NUP54: variants seen among roughly 807,000 people sequenced by gnomAD.
NUP54 encodes the protein nucleoporin 54.
NUP54 carries 27 observed loss-of-function variants against 66.4 expected under a neutral mutation model. That is an observed-to-expected ratio of 0.41 (90% CI 0.30 to 0.56). The LOEUF is 0.56. Among genes scored for constraint, NUP54 ranks in the 20% least tolerant of loss-of-function variants. The pLI, the probability that NUP54 is intolerant of heterozygous loss-of-function variation, is 0.34. For missense variants in NUP54, 486 were observed against 596.3 expected (o/e 0.82, Z 1.93); for synonymous variants, 206 against 210.7 (o/e 0.98, Z 0.19).
chr4:76,117,881 TTC>T (rs755481769), intron 10 of NUP54, 107 bp from the exon 11 acceptor site: 4 of 1,053,074 alleles, frequency 3.8e-6, no homozygotes, highest in Admixed American at 2.1e-5. Flanking sequence ...AAATTTCTAT[TTC>T]TCTCTCTGTA....
Position 76,114,892 on chromosome 4 carries a change from C to T in NUP54, c.*474G>A, listed in dbSNP as rs567397625. On this transcript the variant is annotated 3_prime_UTR_variant, in exon 12 of 12. Coordinates refer to ENST00000264883, the MANE Select transcript of NUP54 (RefSeq NM_017426.4). ...ATGCTTTTGGATTTTCTTTACTCCT[C>T]CCACAGATGAGTTCACAAATACAAA... 1 of 152,306 alleles carries T rather than the reference C, an allele frequency of 6.6e-6. No homozygotes were observed. Among genetic ancestry groups the T allele is most frequent in the South Asian group, 2.1e-4 (1 of 4,824 alleles). The allele number at this position is 152,306 out of a possible 1,614,324, so 9.4% of individuals were successfully genotyped here. A position where few individuals can be genotyped will look rare whatever the true frequency, so the allele number is the denominator to read the frequency against.
intron 1 of NUP54, chr4:76,147,604 C>G (rs1317880744): frequency 7.8e-7 from 1 of 1,289,632 alleles, no homozygotes; most frequent in Non-Finnish European, 1.0e-6. Context: ...ATTAAACCCA[C>G]TGGCGGTGGA....
Position 76,115,325 on chromosome 4 carries a change from G to T in NUP54, c.*41C>A. On this transcript the variant is annotated 3_prime_UTR_variant, in exon 12 of 12. Transcript: ENST00000264883. ...TCTTAAGGAAGGTCTGATGCAGTAA[G>T]AAGATGCATTTCACAAACCTTTACA... The T allele has an allele frequency of 6.6e-7, 1 of 1,521,528 alleles. No homozygotes were observed. The highest frequency in any genetic ancestry group is 8.8e-7 in the Non-Finnish European group (1 of 1,137,496). 94.3% of individuals were successfully genotyped at this position (1,521,528 alleles called of 1,614,324 possible). A position where few individuals can be genotyped will look rare whatever the true frequency, so the allele number is the denominator to read the frequency against.
At chr4:76,143,637 A>C (rs1731360688) in intron 3 of NUP54, among the ~76,000 whole-genome samples, 1 of 152,138 alleles carries the variant, frequency 6.6e-6, no homozygotes, top group Admixed American at 6.6e-5. Flanking sequence ...AGAGAGATAA[A>C]AGAGGAGCCT....
At chr4:76,125,851 AGGGG>A (rs1560679674) in intron 8 of NUP54, among the ~76,000 whole-genome samples, 10 of 43,188 alleles carry the variant, frequency 2.3e-4, no homozygotes, top group South Asian at 2.4e-3. Flanking sequence ...AGAGGGAGAG[AGGGG>A]GAGGGGGAGG....
Position 76,117,846 on chromosome 4 carries a change from G to A in NUP54, c.1285-72C>T, listed in dbSNP as rs921784395. 18 of 1,309,290 alleles carry A rather than the reference G, an allele frequency of 1.4e-5. No homozygotes were observed. The African/African-American group carries it at 2.2e-4, about 16-fold the overall frequency. The allele number at this position is 1,309,290 out of a possible 1,614,324, so 81.1% of individuals were successfully genotyped here. On this transcript the variant is annotated intron_variant, in intron 10 of 11. Coordinates refer to ENST00000264883, the MANE Select transcript of NUP54 (RefSeq NM_017426.4). ...TAAAAGACAATGTTTTCTTCTGAAAGGATGGTTTCAAAACCATCTATTAAA... is the reference window on the plus strand; with the variant it reads ...TAAAAGACAATGTTTTCTTCTGAAAAGATGGTTTCAAAACCATCTATTAAA...
chr4:76,122,188 A>G (rs1730264863), intron 9 of NUP54, among the ~76,000 whole-genome samples: 2 of 152,170 alleles, frequency 1.3e-5, no homozygotes. Context: ...AATAAACTTT[A>G]CTTGGTCATA....
intron 3 of NUP54, among the ~76,000 whole-genome samples, chr4:76,142,596 A>C (rs1032550955): frequency 2.0e-5 from 3 of 152,202 alleles, no homozygotes; most frequent in African/African-American, 7.2e-5. Flanking sequence ...GGGATAACAA[A>C]AGTATTATTT....
intron 3 of NUP54, among the ~76,000 whole-genome samples, chr4:76,142,237 T>A (rs1223888297): frequency 6.6e-6 from 1 of 152,244 alleles, no homozygotes; most frequent in Non-Finnish European, 1.5e-5. Context: ...CTTAAATATT[T>A]CATCAAATTT....
intron 9 of NUP54, among the ~76,000 whole-genome samples, chr4:76,121,175 T>C (rs1179016621): frequency 6.6e-6 from 1 of 152,218 alleles, no homozygotes; most frequent in East Asian, 1.9e-4. Flanking sequence ...TTATGGATAG[T>C]TATACTCCAG....
intron 8 of NUP54, among the ~76,000 whole-genome samples, chr4:76,125,614 AAGAGGG>A (rs1174980798): frequency 1.9e-5 from 2 of 102,616 alleles, no homozygotes; most frequent in African/African-American, 3.9e-5. Flanking sequence ...CAGCATGGGC[AAGAGGG>A]AGAGGGAGAG....
intron 1 of NUP54, among the ~76,000 whole-genome samples, chr4:76,144,814 A>C (rs1257847240): frequency 6.6e-6 from 1 of 152,224 alleles, no homozygotes; most frequent in Non-Finnish European, 1.5e-5. Flanking sequence ...GAGGTGTTGC[A>C]AATTCATATG....
rs767596534 is a variant in NUP54 at position 76,115,343 on chromosome 4, C to T, written c.*23G>A. 3 of 1,563,280 alleles carry T rather than the reference C, an allele frequency of 1.9e-6. No individual in the cohort carries two copies. Among genetic ancestry groups the T allele is most frequent in the Admixed American group, 3.9e-5 (2 of 50,880 alleles). ...GCAGTAAGAAGATGCATTTCACAAA[C>T]CTTTACACAAGTTTGTGAACTGTCA... is the stretch of plus-strand genomic sequence containing the variant. On this transcript the variant is annotated 3_prime_UTR_variant, in exon 12 of 12. Coordinates refer to ENST00000264883, the MANE Select transcript of NUP54 (RefSeq NM_017426.4).
chr4:76,147,464 A>C, intron 1 of NUP54: 1 of 1,288,342 alleles, frequency 7.8e-7, no homozygotes, highest in Non-Finnish European at 1.0e-6. Context: ...TACACATACA[A>C]CCCGCAGTAT....
In NUP54 at chr4:76,115,051, T is replaced by A. The variant is rs1729886888; in HGVS notation, c.*315A>T. ...AGAGTACAGGCTCAATGGACAATAA[T>A]CATTAAACACAGATTATGTTTAAGA... On this transcript the variant is annotated 3_prime_UTR_variant, in exon 12 of 12. Coordinates refer to ENST00000264883, the MANE Select transcript of NUP54 (RefSeq NM_017426.4). The A allele has an allele frequency of 5.2e-6, 1 of 190,792 alleles. No individual in the cohort carries two copies. Among genetic ancestry groups the A allele is most frequent in the South Asian group, 1.5e-4 (1 of 6,674 alleles). The allele number at this position is 190,792 out of a possible 1,614,324, so 11.8% of individuals were successfully genotyped here. A position where few individuals can be genotyped will look rare whatever the true frequency, so the allele number is the denominator to read the frequency against.
At chr4:76,141,070 G>A (rs1731250827) in intron 3 of NUP54, among the ~76,000 whole-genome samples, 1 of 152,156 alleles carries the variant, frequency 6.6e-6, no homozygotes, top group Admixed American at 6.5e-5. Context: ...AAAGTCAAAT[G>A]TGACTTTTCC....
At position 76,132,590 on chromosome 4, in the gene NUP54, G is replaced by A; in HGVS notation, c.840C>T (p.Thr280=). The change falls in exon 6 of 12, where the codon ACC becomes ACT. Residue 280 remains threonine (T), a synonymous_variant. Transcript: ENST00000264883. ...IKTQLQQLGV[T]LSMTRTELSP... is the part of the protein sequence containing the mutation. ...AAAGTTCTGTTCTAGTCATAGAAAG[G>A]GTTACACCAAGTTGCTGCAATTGTG... 6.2e-7 allele frequency: 1 copy of A among 1,614,036 alleles called. No homozygotes were observed. The highest frequency in any genetic ancestry group is 8.5e-7 in the Non-Finnish European group (1 of 1,179,984).
intron 7 of NUP54, 88 bp downstream of exon 7, chr4:76,131,142 T>C (rs931910103): frequency 3.6e-6 from 3 of 827,554 alleles, no homozygotes; most frequent in Non-Finnish European, 6.1e-6. Context: ...TTGTCTCATA[T>C]GTAAGAATTA....
intron 9 of NUP54, 88 bp from the exon 10 acceptor site, chr4:76,118,282 T>G (rs1730047598): frequency 5.6e-6 from 7 of 1,257,674 alleles, no homozygotes; most frequent in Non-Finnish European, 6.8e-6. Context: ...CTGAAAGAAA[T>G]CAGCTGAAAA....
Sources: gnomAD v4.1 joint callset for allele counts (sites outside exome capture counted in the v4.1 genomes callset) on GRCh38, gnomAD v4.1.1 for gene constraint, MANE v1.5 for transcripts, NCBI Gene and HGNC (gene_info 2026-07-23, HGNC 2026-07-21) for gene names.